CTNND2: variants seen among roughly 807,000 people sequenced by gnomAD.
CTNND2 encodes catenin delta 2.
In CTNND2, 22 loss-of-function variants were observed where a neutral mutation model predicts 144.4. The observed-to-expected ratio is 0.15, with a 90% CI of 0.11 to 0.22. The LOEUF is 0.22. Among genes scored for constraint, CTNND2 ranks in the 10% least tolerant of loss-of-function variants. The pLI is 1.00. For missense variants in CTNND2, 1,353 were observed against 1,618.8 expected, an observed-to-expected ratio of 0.84 and a Z score of 2.82; for synonymous variants, 751 against 695.6, an observed-to-expected ratio of 1.08 and a Z score of -1.25.
chr5:11,197,373 A>G (rs1736965982), intron 11 of CTNND2, among the ~76,000 whole-genome samples: 1 of 152,240 alleles, frequency 6.6e-6, no homozygotes, highest in Admixed American at 6.5e-5. Flanking sequence ...ACGGCAAAAG[A>G]CAGCATTTCG....
intron 1 of CTNND2, among the ~76,000 whole-genome samples, chr5:11,793,081 G>C (rs1394126536): frequency 6.6e-6 from 1 of 152,162 alleles, no homozygotes; most frequent in African/African-American, 2.4e-5. Context: ...TGGACACTAA[G>C]GTAACTGATG....
chr5:11,082,157 G>C (rs1375184828), intron 16 of CTNND2, among the ~76,000 whole-genome samples: 1 of 152,170 alleles, frequency 6.6e-6, no homozygotes, highest in Non-Finnish European at 1.5e-5. Flanking sequence ...TCTGGGCCTA[G>C]AACAGGCCTG....
chr5:11,775,794 G>A (rs1181441909), intron 1 of CTNND2, among the ~76,000 whole-genome samples: 1 of 152,188 alleles, frequency 6.6e-6, no homozygotes, highest in Non-Finnish European at 1.5e-5. Flanking sequence ...CTGTGAATGT[G>A]ACCTTATTTG....
intron 9 of CTNND2, among the ~76,000 whole-genome samples, chr5:11,282,076 C>T (rs1747193175): frequency 6.6e-6 from 1 of 152,050 alleles, no homozygotes; most frequent in South Asian, 2.1e-4. Context: ...ACTGAACTGG[C>T]ATTGGAGAAT....
chr5:11,018,581 C>T (rs1318082565), intron 17 of CTNND2, among the ~76,000 whole-genome samples: 5 of 151,804 alleles, frequency 3.3e-5, no homozygotes, highest in African/African-American at 9.7e-5. Context: ...AGTGAACACA[C>T]GAATAATAAG....
chr5:11,203,960 A>G (rs1006512991), intron 10 of CTNND2, among the ~76,000 whole-genome samples: 4 of 152,178 alleles, frequency 2.6e-5, no homozygotes, highest in Non-Finnish European at 5.9e-5. Flanking sequence ...ACTTGACCTG[A>G]ATAGACAGTC....
intron 2 of CTNND2, among the ~76,000 whole-genome samples, chr5:11,653,511 C>T (rs1001870272): frequency 6.6e-6 from 1 of 152,010 alleles, no homozygotes; most frequent in Non-Finnish European, 1.5e-5. Context: ...TTTTATATAC[C>T]TGTTGGTCAT....
chr5:11,195,265 C>T (rs1736746202), intron 11 of CTNND2, among the ~76,000 whole-genome samples: 1 of 151,814 alleles, frequency 6.6e-6, no homozygotes, highest in Non-Finnish European at 1.5e-5. Context: ...AAAGAATTTT[C>T]CATCTAGAAT....
At chr5:11,246,488 G>A (rs1364183958) in intron 9 of CTNND2, among the ~76,000 whole-genome samples, 1 of 152,044 alleles carries the variant, frequency 6.6e-6, no homozygotes, top group African/African-American at 2.4e-5. Flanking sequence ...GGACACCGAG[G>A]ATTCCGGGCA....
chr5:11,717,956 C>A (rs1193106264), intron 2 of CTNND2, among the ~76,000 whole-genome samples: 1 of 152,036 alleles, frequency 6.6e-6, no homozygotes, highest in African/African-American at 2.4e-5. Flanking sequence ...TAAATATATT[C>A]CAACAATTTA....
At chr5:11,750,342 C>T (rs1788541874) in intron 1 of CTNND2, among the ~76,000 whole-genome samples, 1 of 151,844 alleles carries the variant, frequency 6.6e-6, no homozygotes, top group African/African-American at 2.4e-5. Flanking sequence ...GTGGCAGAGG[C>T]ATAAGAGATT....
At chr5:11,221,103 C>T (rs1293404348) in intron 10 of CTNND2, among the ~76,000 whole-genome samples, 2 of 152,036 alleles carry the variant, frequency 1.3e-5, no homozygotes, top group Admixed American at 1.3e-4. Context: ...AAAAAGTGCA[C>T]TAGGGCTAAC....
intron 10 of CTNND2, among the ~76,000 whole-genome samples, chr5:11,201,660 C>G (rs1737451720): frequency 6.6e-6 from 1 of 152,096 alleles, no homozygotes; most frequent in Non-Finnish European, 1.5e-5. Context: ...TATGGTGCCT[C>G]CAAGGGAACA....
At chr5:11,703,898 A>C (rs1475868536) in intron 2 of CTNND2, among the ~76,000 whole-genome samples, 1 of 152,202 alleles carries the variant, frequency 6.6e-6, no homozygotes, top group Non-Finnish European at 1.5e-5. Context: ...GTGCAAAGGA[A>C]TATTATCCTG....
intron 10 of CTNND2, among the ~76,000 whole-genome samples, chr5:11,235,258 T>G (rs937218244): frequency 6.6e-6 from 1 of 152,188 alleles, no homozygotes; most frequent in Non-Finnish European, 1.5e-5. Flanking sequence ...AGAAAAGTTA[T>G]AGTCTTCAAA....
chr5:11,581,229 G>A (rs1169803489), intron 2 of CTNND2, among the ~76,000 whole-genome samples: 2 of 152,028 alleles, frequency 1.3e-5, no homozygotes, highest in East Asian at 3.9e-4. Context: ...CTGCAGACAA[G>A]GTGGGACATG....
chr5:11,515,075 C>T (rs1475136247), intron 3 of CTNND2, among the ~76,000 whole-genome samples: 1 of 111,216 alleles, frequency 9.0e-6, no homozygotes, highest in South Asian at 2.5e-4. Flanking sequence ...AAAGGCAGGG[C>T]AAACAAACGA....
intron 3 of CTNND2, among the ~76,000 whole-genome samples, chr5:11,462,210 G>A (rs1766282230): frequency 6.6e-6 from 1 of 152,102 alleles, no homozygotes; most frequent in Non-Finnish European, 1.5e-5. Flanking sequence ...CTGGCCAAGA[G>A]CAAAGACTGA....
At chr5:11,778,634 G>A (rs982273124) in intron 1 of CTNND2, among the ~76,000 whole-genome samples, 16 of 152,124 alleles carry the variant, frequency 1.1e-4, no homozygotes, top group Middle Eastern at 3.2e-3. Context: ...AAAAGCAAGC[G>A]AAGTCTGAGA....
Sources: allele counts gnomAD v4.1 joint callset (sites outside exome capture counted in the v4.1 genomes callset), GRCh38; gene constraint gnomAD v4.1.1; transcripts MANE v1.5; gene names NCBI Gene and HGNC (gene_info 2026-07-23, HGNC 2026-07-21).